The following TRAPPC9 variants were observed in gnomAD, a reference collection of about 807,000 sequenced individuals.
TRAPPC9 encodes trafficking protein particle complex subunit 9.
In TRAPPC9, 83 loss-of-function variants were observed where a neutral mutation model predicts 124.0. The observed-to-expected ratio is 0.67, with a 90% CI of 0.56 to 0.80. TRAPPC9 has a LOEUF of 0.80. Among genes scored for constraint, TRAPPC9 ranks in the 30% least tolerant of loss-of-function variants. The probability of loss-of-function intolerance (pLI) is 0.00; values close to 1 mark genes in which losing one functional copy is unlikely to be tolerated. For missense variants in TRAPPC9, 1,302 were observed against 1,508.3 expected, an observed-to-expected ratio of 0.86 and a Z score of 2.27; for synonymous variants, 638 against 617.5, an observed-to-expected ratio of 1.03 and a Z score of -0.49.
intron 9 of TRAPPC9, among the ~76,000 whole-genome samples, chr8:140,323,705 C>G (rs1434774122): frequency 2.0e-5 from 3 of 151,510 alleles, no homozygotes; most frequent in African/African-American, 4.9e-5. Context: ...TTCCACAGAA[C>G]AAAATATATT....
At chr8:140,432,141 A>C (rs943325967) in intron 4 of TRAPPC9, among the ~76,000 whole-genome samples, 7 of 152,200 alleles carry the variant, frequency 4.6e-5, no homozygotes, top group Admixed American at 3.3e-4. Flanking sequence ...TAGGACATTA[A>C]AAATATATGT....
At chr8:139,950,079 A>G (rs1236620009) in intron 19 of TRAPPC9, among the ~76,000 whole-genome samples, 1 of 152,178 alleles carries the variant, frequency 6.6e-6, no homozygotes. Context: ...CCCCCTAGAA[A>G]GTTTTTGTCC....
At chr8:140,211,763 G>T (rs558475380) in intron 17 of TRAPPC9, among the ~76,000 whole-genome samples, 1 of 152,302 alleles carries the variant, frequency 6.6e-6, no homozygotes, top group Non-Finnish European at 1.5e-5. Context: ...GAATCTTCAG[G>T]CAACCCCATG....
intron 11 of TRAPPC9, among the ~76,000 whole-genome samples, chr8:140,294,640 ACT>A (rs1258514103): frequency 6.6e-6 from 1 of 151,142 alleles, no homozygotes; most frequent in Non-Finnish European, 1.5e-5. Flanking sequence ...ATGGAGTATC[ACT>A]CTGTACCCAG....
At chr8:140,273,679 T>C (rs2131637789) in intron 15 of TRAPPC9, among the ~76,000 whole-genome samples, 1 of 152,198 alleles carries the variant, frequency 6.6e-6, no homozygotes, top group Non-Finnish European at 1.5e-5. Flanking sequence ...CTGGCTTTCA[T>C]TGTTGGGGTA....
At position 140,319,391 on chromosome 8, in the gene TRAPPC9, A is replaced by T. The variant is rs1261027111; in HGVS notation, c.1496-8017T>A. Among the ~76,000 whole-genome samples, 6 of 151,798 alleles carry T rather than the reference A, an allele frequency of 4.0e-5. No individual in the cohort carries two copies. In the East Asian group the frequency reaches 1.2e-3, roughly 29 times the overall value. On this transcript the variant is annotated intron_variant, in intron 9 of 22. Coordinates refer to ENST00000438773, the MANE Select transcript of TRAPPC9 (RefSeq NM_001160372.4). The stretch of plus-strand genomic sequence containing the variant: ...ACGGGGTTTCACCGTGTTAGCCAGG[A>T]TGATCTCGATCTCCTAACCTCCTGA...
intron 17 of TRAPPC9, among the ~76,000 whole-genome samples, chr8:140,144,051 CAAAT>C (rs1338873578): frequency 6.6e-6 from 1 of 152,182 alleles, no homozygotes; most frequent in Non-Finnish European, 1.5e-5. Context: ...GTCTATTTGT[CAAAT>C]AAATAATCTG....
intron 16 of TRAPPC9, among the ~76,000 whole-genome samples, chr8:140,243,447 G>C (rs762005551): frequency 2.0e-5 from 3 of 152,246 alleles, no homozygotes; most frequent in Non-Finnish European, 4.4e-5. Context: ...CTTAAAAAAA[G>C]TGGCATGTTG....
chr8:140,326,557 C>A (rs2066743108), intron 9 of TRAPPC9, among the ~76,000 whole-genome samples: 1 of 152,110 alleles, frequency 6.6e-6, no homozygotes, highest in African/African-American at 2.4e-5. Context: ...TTCACTCAGA[C>A]AAACATCATC....
chr8:140,011,500 A>AC (rs1839119023), intron 18 of TRAPPC9, among the ~76,000 whole-genome samples: 1 of 138,686 alleles, frequency 7.2e-6, no homozygotes, highest in Non-Finnish European at 1.5e-5. Flanking sequence ...CAGAAGGCAT[A>AC]CTTTTTTTTT....
intron 10 of TRAPPC9, among the ~76,000 whole-genome samples, chr8:140,305,698 A>G (rs2066111309): frequency 6.6e-6 from 1 of 152,240 alleles, no homozygotes; most frequent in South Asian, 2.1e-4. Flanking sequence ...TGTACAAACA[A>G]AAGTAAAAAC....
chr8:140,099,246 G>C (rs1451054734), intron 17 of TRAPPC9: 1 of 142,162 alleles, frequency 7.0e-6, no homozygotes, highest in Non-Finnish European at 1.5e-5. Flanking sequence ...GCCGCAGTCC[G>C]CAGGGTACTG....
At chr8:140,316,533 T>G (rs374734591) in intron 9 of TRAPPC9, among the ~76,000 whole-genome samples, 1 of 152,222 alleles carries the variant, frequency 6.6e-6, no homozygotes, top group South Asian at 2.1e-4. Flanking sequence ...TGGTTCTTCA[T>G]TCCGTTAATG....
At chr8:139,817,093 C>T (rs1396790878) in intron 21 of TRAPPC9, among the ~76,000 whole-genome samples, 1 of 149,802 alleles carries the variant, frequency 6.7e-6, no homozygotes, top group Non-Finnish European at 1.5e-5. Context: ...CCACTGCTTT[C>T]TGAGCACCCC....
At chr8:140,233,573 C>CCT (rs770016508) in intron 16 of TRAPPC9, among the ~76,000 whole-genome samples, 52 of 138,674 alleles carry the variant, frequency 3.7e-4, no homozygotes, top group East Asian at 1.3e-3. Context: ...ACACACACTT[C>CCT]CTCTCTCTCT....
chr8:140,438,264 C>G (rs1313581112), intron 3 of TRAPPC9, among the ~76,000 whole-genome samples: 3 of 152,170 alleles, frequency 2.0e-5, no homozygotes, highest in African/African-American at 7.2e-5. Flanking sequence ...CAATCTGCGG[C>G]CTTTTTCATG....
At chr8:140,194,858 A>C (rs2062599068) in intron 17 of TRAPPC9, among the ~76,000 whole-genome samples, 2 of 151,840 alleles carry the variant, frequency 1.3e-5, no homozygotes, top group Non-Finnish European at 2.9e-5. Flanking sequence ...ACACACTCAA[A>C]GACCCACCAT....
chr8:140,107,456 A>C (rs748769166), intron 17 of TRAPPC9, among the ~76,000 whole-genome samples: 3 of 152,242 alleles, frequency 2.0e-5, no homozygotes, highest in Non-Finnish European at 4.4e-5. Flanking sequence ...CAACAAAGAT[A>C]AAACTAAGTA....
chr8:140,083,832 A>G (rs1411971689), intron 17 of TRAPPC9, among the ~76,000 whole-genome samples: 1 of 151,894 alleles, frequency 6.6e-6, no homozygotes, highest in African/African-American at 2.4e-5. Context: ...ACATCCAGCT[A>G]ATTTTTGTAT....
Sources: gnomAD v4.1 joint callset for allele counts (sites outside exome capture counted in the v4.1 genomes callset) on GRCh38, gnomAD v4.1.1 for gene constraint, MANE v1.5 for transcripts, NCBI Gene and HGNC (gene_info 2026-07-23, HGNC 2026-07-21) for gene names.